The following TMC6 variants were observed in gnomAD, a reference collection of about 807,000 sequenced individuals.
TMC6 encodes the protein transmembrane channel-like protein 6.
A neutral mutation model predicts 95.4 loss-of-function variants in TMC6; 71 were observed. That is an observed-to-expected ratio of 0.74 (90% CI 0.61 to 0.91). The LOEUF (loss-of-function observed/expected upper bound fraction) is 0.91, where lower values mean the gene tolerates loss of function less well. Ranked by LOEUF, TMC6 falls within the 40% of genes least tolerant of loss-of-function variation. TMC6 has a pLI of 0.00. For synonymous variants in TMC6, 514 were observed against 483.1 expected (o/e 1.06, Z -0.84); for missense variants, 1,074 against 1,079.1 (o/e 1.00, Z 0.07).
chr17:78,116,490 C>CA (rs2074124178), intron 18 of TMC6, among the ~76,000 whole-genome samples: 1 of 151,070 alleles, frequency 6.6e-6, no homozygotes, highest in Admixed American at 6.6e-5. Flanking sequence ...CCAGGCTGGT[C>CA]TCGAACTCCT....
At chr17:78,125,397 G>A in intron 5 of TMC6, 134 bp from the exon 6 acceptor site, 1 of 850,468 alleles carries the variant, frequency 1.2e-6, no homozygotes, top group Admixed American at 2.0e-5. Flanking sequence ...TTGAGCTTCA[G>A]TCGCCAATCA....
upstream of TMC6, chr17:78,131,638 A>G (rs2074970785): frequency 1.3e-6 from 2 of 1,556,228 alleles, no homozygotes; most frequent in East Asian, 2.4e-5. Flanking sequence ...GGGGTGCCGG[A>G]GCCGGAGGAG....
chr17:78,120,955 G>T, intron 12 of TMC6, 58 bp downstream of exon 12: 1 of 1,612,770 alleles, frequency 6.2e-7, no homozygotes, highest in Non-Finnish European at 8.5e-7. Flanking sequence ...TACACCCGGA[G>T]CTAAACAACC....
chr17:78,119,460 C>T (rs2074299717), intron 13 of TMC6, 68 bp from the exon 14 acceptor site: 2 of 1,464,674 alleles, frequency 1.4e-6, no homozygotes, highest in Non-Finnish European at 1.9e-6. Flanking sequence ...TGAGTCCCCA[C>T]ACCCAGAGGC....
chr17:78,129,327 G>A (rs929452239), upstream of TMC6, among the ~76,000 whole-genome samples: 2 of 152,172 alleles, frequency 1.3e-5, no homozygotes, highest in African/African-American at 2.4e-5. This position sits in a 1 kb window ranked among gnomAD's most constrained non-coding sequence, Gnocchi z 4.3. Context: ...TGCTGTACCC[G>A]TTGCCCTGTT....
At position 78,124,196 on chromosome 17, in the gene TMC6, C is replaced by T; in HGVS notation, c.892-17G>A. On this transcript the variant is annotated splice_polypyrimidine_tract_variant and intron_variant, in intron 8 of 19. Transcript: ENST00000590602. ...GAAGCAACCCTGCCACAGGGAGATC[C>T]AGCCGAGTCAGGGACTTTCCCCACG... 6.2e-7 allele frequency: 1 copy of T among 1,610,712 alleles called. No homozygotes were observed. Among genetic ancestry groups the T allele is most frequent in the Non-Finnish European group, 8.5e-7 (1 of 1,179,580 alleles).
At chr17:78,114,904 C>T (rs1237485791) in intron 18 of TMC6, among the ~76,000 whole-genome samples, 2 of 151,484 alleles carry the variant, frequency 1.3e-5, no homozygotes, top group Non-Finnish European at 2.9e-5. Flanking sequence ...CCTTCCCATC[C>T]CAGAGCAACG....
chr17:78,119,198 C>T, intron 14 of TMC6, 99 bp downstream of exon 14: 4 of 1,550,172 alleles, frequency 2.6e-6, no homozygotes, highest in Non-Finnish European at 2.7e-6. Flanking sequence ...ATGGCCGGGC[C>T]TGGCTGTGGC....
At chr17:78,126,081 C>A (rs988658781) in intron 4 of TMC6, 196 bp downstream of exon 4, 4 of 1,107,004 alleles carry the variant, frequency 3.6e-6, no homozygotes, top group Non-Finnish European at 5.1e-6. Context: ...TTTTGGAGCC[C>A]AGCGAGGGCC....
rs1226676256 is a variant in TMC6, at chr17:78,111,800, G to A, written c.*1348C>T. 1 of 203,070 alleles carries A rather than the reference G, an allele frequency of 4.9e-6. No homozygotes were observed. Among genetic ancestry groups the A allele is most frequent in the Middle Eastern group, 2.0e-3 (1 of 498 alleles). The allele number at this position is 203,070 out of a possible 1,614,324, so 12.6% of individuals were successfully genotyped here. A position where few individuals can be genotyped will look rare whatever the true frequency, so the allele number is the denominator to read the frequency against. On this transcript the variant is annotated 3_prime_UTR_variant, in exon 20 of 20. Transcript: ENST00000590602. ...TCGCTCTTTGACCATTTCCCCACCTGGGTTCATTCCCCCAATCCCAAGCGC... is the reference window on the plus strand; with the variant it reads ...TCGCTCTTTGACCATTTCCCCACCTAGGTTCATTCCCCCAATCCCAAGCGC...
chr17:78,114,578 T>C (rs2073959274), intron 18 of TMC6, among the ~76,000 whole-genome samples: 2 of 152,070 alleles, frequency 1.3e-5, no homozygotes, highest in Admixed American at 1.3e-4. Context: ...CATCAGTGCC[T>C]GGGTCAGACC....
upstream of TMC6, among the ~76,000 whole-genome samples, chr17:78,129,947 C>T (rs1301040091): frequency 6.6e-6 from 1 of 152,202 alleles, no homozygotes; most frequent in Non-Finnish European, 1.5e-5. This position sits in a 1 kb window ranked among gnomAD's most constrained non-coding sequence, Gnocchi z 4.3. Context: ...CAGCACATAG[C>T]TTGCGCCTGA....
At chr17:78,113,512 G>T (rs1260629520) in intron 19 of TMC6, 36 bp downstream of exon 19, 1 of 1,610,498 alleles carries the variant, frequency 6.2e-7, no homozygotes. Flanking sequence ...TCCCCTCCAG[G>T]CTCAGAGTGT....
At chr17:78,117,185 G>C (rs1180031620) in intron 18 of TMC6, 84 bp downstream of exon 18, 2 of 1,434,344 alleles carry the variant, frequency 1.4e-6, no homozygotes, top group Admixed American at 3.4e-5. Context: ...GCCCACAGGA[G>C]ATGTACAGGG....
intron 18 of TMC6, among the ~76,000 whole-genome samples, chr17:78,114,676 C>T (rs1598819638): frequency 1.3e-5 from 2 of 151,730 alleles, no homozygotes; most frequent in African/African-American, 4.8e-5. Flanking sequence ...CAACCTGGCT[C>T]AGCCTAGGAG....
At chr17:78,124,288 A>G in intron 8 of TMC6, 109 bp from the exon 9 acceptor site, 1 of 1,446,536 alleles carries the variant, frequency 6.9e-7, no homozygotes, top group Non-Finnish European at 9.4e-7. Flanking sequence ...AGGGGCAGTG[A>G]GGGAAACAGG....
chr17:78,119,643 T>C (rs2074310397), intron 13 of TMC6: 1 of 552,418 alleles, frequency 1.8e-6, no homozygotes, highest in South Asian at 1.9e-5. Context: ...CAAATGATTT[T>C]TTCTTTTTTG....
Position 78,108,726 on chromosome 17 carries a change from A to G in TMC6, c.*4422T>C, listed in dbSNP as rs2073758207. On this transcript the variant is annotated 3_prime_UTR_variant, in exon 20 of 20. Transcript: ENST00000590602. ...GGTGTCCAGGGCACCATTTCCACCC[A>G]TGGGTGAAAAAGAGGCTTGAGGAAG... 6.5e-6 allele frequency: 1 copy of G among 154,024 alleles called. No individual in the cohort carries two copies. The highest frequency in any genetic ancestry group is 2.4e-5 in the African/African-American group (1 of 41,502). 9.5% of individuals were successfully genotyped at this position (154,024 alleles called of 1,614,324 possible).
chr17:78,132,223 C>A (rs540873445), upstream of TMC6: 6 of 1,383,146 alleles, frequency 4.3e-6, no homozygotes, highest in African/African-American at 7.1e-5. Context: ...AGGTGACTGT[C>A]AGCGGTACCT....
Sources: allele counts gnomAD v4.1 joint callset (sites outside exome capture counted in the v4.1 genomes callset), GRCh38; gene constraint gnomAD v4.1.1; non-coding constraint Gnocchi (gnomAD v3.1); transcripts MANE v1.5; gene names NCBI Gene and HGNC (gene_info 2026-07-23, HGNC 2026-07-21).